Variants in CCDC88C observed in about 807,000 individuals in gnomAD.
The protein encoded by CCDC88C is coiled-coil and HOOK domain protein 88C.
CCDC88C carries 131 observed loss-of-function variants against 198.8 expected under a neutral mutation model. That is an observed-to-expected ratio of 0.66 (90% confidence interval 0.57 to 0.76). The LOEUF is 0.76. Among genes scored for constraint, CCDC88C ranks in the 30% least tolerant of loss-of-function variants. CCDC88C has a pLI of 0.00. For synonymous variants in CCDC88C, 1,166 were observed against 1,114.7 expected, an observed-to-expected ratio of 1.05 and a Z score of -0.92; for missense variants, 2,553 against 2,631.6, an observed-to-expected ratio of 0.97 and a Z score of 0.65.
intron 25 of CCDC88C, 159 bp from the exon 26 acceptor site, chr14:91,283,676 G>A (rs1015411185): frequency 7.2e-6 from 5 of 690,780 alleles, no homozygotes; most frequent in African/African-American, 1.8e-5. Flanking sequence ...ATGGGGCCTG[G>A]CGGGGCAGGT....
intron 26 of CCDC88C, among the ~76,000 whole-genome samples, chr14:91,282,635 A>G (rs1325372897): frequency 6.6e-6 from 1 of 152,170 alleles, no homozygotes; most frequent in African/African-American, 2.4e-5. Context: ...AGAATATTTT[A>G]ATCTCATGCC....
intron 3 of CCDC88C, among the ~76,000 whole-genome samples, chr14:91,403,999 G>C (rs1040560249): frequency 6.6e-6 from 1 of 152,240 alleles, no homozygotes; most frequent in African/African-American, 2.4e-5. Flanking sequence ...AGTAAAACAA[G>C]CATCGGAGGA....
In CCDC88C at chr14:91,339,147, G is replaced by A; in HGVS notation, c.809+131C>T. ...GTCCGAGGTCAAAGAGTAAGCTCAG[G>A]GCAGACCCCAGCTGACTCCGGGGCA... On this transcript the variant is annotated intron_variant, in intron 8 of 29. Transcript: ENST00000389857. This position sits in a 1 kb window ranked among gnomAD's most constrained non-coding sequence, Gnocchi z 5.8. 1 of 1,104,960 alleles carries A rather than the reference G, an allele frequency of 9.1e-7. No homozygotes were observed. The highest frequency in any genetic ancestry group is 1.3e-6 in the Non-Finnish European group (1 of 747,244). The allele number at this position is 1,104,960 out of a possible 1,614,324, so 68.4% of individuals were successfully genotyped here. A position where few individuals can be genotyped will look rare whatever the true frequency, so the allele number is the denominator to read the frequency against.
intron 3 of CCDC88C, among the ~76,000 whole-genome samples, chr14:91,363,459 T>TAGA (rs142173876): frequency 0.052 from 7,937 of 152,114 alleles, 681 homozygotes; most frequent in African/African-American, 0.18. Context: ...ATGTTACACT[T>TAGA]ACAGCACATC....
intron 13 of CCDC88C, 37 bp from the exon 14 acceptor site, chr14:91,315,824 A>G: frequency 6.3e-7 from 1 of 1,594,988 alleles, no homozygotes; most frequent in African/African-American, 1.3e-5. Flanking sequence ...TGCAGACATC[A>G]GTCCTACGAA....
intron 4 of CCDC88C, among the ~76,000 whole-genome samples, chr14:91,351,344 C>T (rs980872870): frequency 3.9e-5 from 6 of 152,202 alleles, no homozygotes; most frequent in Non-Finnish European, 8.8e-5. Context: ...TGTCTCTCCT[C>T]AGTACACGGG....
rs762747620 is a variant in CCDC88C, at chr14:91,300,092, C to T, written c.3636-22G>A. 1.0e-5 allele frequency: 16 copies of T among 1,602,952 alleles called. No homozygotes were observed. The Admixed American group carries it at 1.9e-4, about 19-fold the overall frequency. ...GTGCCTGTTGGAGGGAAGCACCTGC[C>T]GTGAGTCTGGCCAGGGCCTTCTTTT... On this transcript the variant is annotated intron_variant, in intron 20 of 29. Coordinates refer to ENST00000389857, the MANE Select transcript of CCDC88C (RefSeq NM_001080414.4).
intron 4 of CCDC88C, among the ~76,000 whole-genome samples, chr14:91,359,228 A>G (rs1894188739): frequency 7.6e-6 from 1 of 132,042 alleles, no homozygotes; most frequent in South Asian, 2.4e-4. Context: ...CAGTGGCACA[A>G]TCTCAGCTCA....
At chr14:91,297,976 T>C (rs1162636703) in intron 21 of CCDC88C, among the ~76,000 whole-genome samples, 1 of 152,206 alleles carries the variant, frequency 6.6e-6, no homozygotes, top group East Asian at 1.9e-4. Context: ...AAGTGTGAGA[T>C]GGTGTGTATT....
chr14:91,294,724 G>A (rs535515408), intron 22 of CCDC88C, among the ~76,000 whole-genome samples: 53 of 152,248 alleles, frequency 3.5e-4, no homozygotes, highest in South Asian at 2.1e-4. Flanking sequence ...GCATGACCTC[G>A]GCTCACTGCA....
At chr14:91,336,223 C>T (rs1209396136) in intron 10 of CCDC88C, among the ~76,000 whole-genome samples, 2 of 152,240 alleles carry the variant, frequency 1.3e-5, no homozygotes, top group Non-Finnish European at 2.9e-5. Flanking sequence ...GCAGAGGGCA[C>T]AGCTTGTGTG....
intron 2 of CCDC88C, among the ~76,000 whole-genome samples, chr14:91,415,928 G>A (rs772536653): frequency 3.3e-5 from 5 of 152,076 alleles, no homozygotes; most frequent in Non-Finnish European, 7.4e-5. Flanking sequence ...GCGCACACGA[G>A]GCTGATCCAC....
intron 4 of CCDC88C, among the ~76,000 whole-genome samples, chr14:91,344,667 G>A (rs1271992819): frequency 4.0e-5 from 6 of 150,624 alleles, no homozygotes; most frequent in Non-Finnish European, 5.9e-5. Context: ...GGCCACCACC[G>A]CGCCCAGCTA....
At chr14:91,295,617 T>C (rs1890968629) in intron 22 of CCDC88C, among the ~76,000 whole-genome samples, 1 of 152,154 alleles carries the variant, frequency 6.6e-6, no homozygotes, top group Non-Finnish European at 1.5e-5. Context: ...TCCACCTCAT[T>C]AGATGCCGGG....
At position 91,338,161 on chromosome 14, in the gene CCDC88C, G is replaced by T; in HGVS notation, c.894C>A (p.Asn298Lys). ...VLELQKVKQENIQLAADARSA... is the reference protein window; with the variant it reads ...VLELQKVKQEKIQLAADARSA... ...ACCGGGCGTCTGCCGCTAGCTGGAT[G>T]TTCTGCAAGGTGGACAAAGGCAGGA... is the stretch of plus-strand genomic sequence containing the variant. Residue 298 changes from asparagine (N) to lysine (K), a missense_variant and splice_region_variant, in exon 10 of 30, where the codon AAC (asparagine) becomes AAA (lysine). By Grantham distance (94) the Asn-to-Lys change is moderately conservative. Transcript: ENST00000389857. The surrounding 1 kb of genome is among the most constrained non-coding windows in gnomAD (Gnocchi z 4.8). 6.2e-7 allele frequency: 1 copy of T among 1,613,256 alleles called. No individual in the cohort carries two copies. Among genetic ancestry groups the T allele is most frequent in the Non-Finnish European group, 8.5e-7 (1 of 1,179,394 alleles).
chr14:91,309,525 G>A lies in CCDC88C; in HGVS notation c.2864+334C>T, dbSNP rs943743895. 4.7e-5 allele frequency among the ~76,000 whole-genome samples: 7 copies of A among 150,438 alleles called. No homozygotes were observed. The Admixed American group carries it at 4.7e-4, about 10-fold the overall frequency. On this transcript the variant is annotated intron_variant, in intron 16 of 29. Transcript: ENST00000389857. ...GGTCTCCAGCTAGGGCTGGAGGATCGCTTGAACCCGGGAGGTGGACATGGA... is the reference window on the plus strand; with the variant it reads ...GGTCTCCAGCTAGGGCTGGAGGATCACTTGAACCCGGGAGGTGGACATGGA...
At chr14:91,332,671 T>C (rs1031266769) in intron 10 of CCDC88C, among the ~76,000 whole-genome samples, 3 of 152,214 alleles carry the variant, frequency 2.0e-5, no homozygotes, top group African/African-American at 7.2e-5. Context: ...CAATTCGAGC[T>C]GGCACGAATG....
chr14:91,392,481 T>C (rs1329598413), intron 3 of CCDC88C, among the ~76,000 whole-genome samples: 1 of 152,110 alleles, frequency 6.6e-6, no homozygotes, highest in Non-Finnish European at 1.5e-5. Context: ...CTGGTCACAT[T>C]TCCAATTCCT....
intron 15 of CCDC88C, among the ~76,000 whole-genome samples, chr14:91,310,741 T>C (rs1173462667): frequency 6.6e-6 from 1 of 152,220 alleles, no homozygotes; most frequent in East Asian, 1.9e-4. Context: ...GGGTGTTGAA[T>C]GCATGTCGGT....
Sources: allele counts gnomAD v4.1 joint callset (sites outside exome capture counted in the v4.1 genomes callset), GRCh38; gene constraint gnomAD v4.1.1; non-coding constraint Gnocchi (gnomAD v3.1); transcripts MANE v1.5; gene names NCBI Gene and HGNC (gene_info 2026-07-23, HGNC 2026-07-21).